GABRB1: variants seen among roughly 807,000 people sequenced by gnomAD.
The protein encoded by GABRB1 is gamma-aminobutyric acid type A receptor subunit beta1.
In GABRB1, 17 loss-of-function variants were observed where a neutral mutation model predicts 51.6. That is an observed-to-expected ratio of 0.33 (90% confidence interval 0.23 to 0.49). The LOEUF is 0.49. Among genes scored for constraint, GABRB1 ranks in the 20% least tolerant of loss-of-function variants. The pLI is 0.99. For synonymous variants in GABRB1, 247 were observed against 218.9 expected, an observed-to-expected ratio of 1.13 and a Z score of -1.14; for missense variants, 410 against 600.6, an observed-to-expected ratio of 0.68 and a Z score of 3.32.
intron 3 of GABRB1, among the ~76,000 whole-genome samples, chr4:47,039,394 T>C (rs1045604310): frequency 6.8e-6 from 1 of 147,754 alleles, no homozygotes; most frequent in African/African-American, 2.5e-5. Context: ...CTAGATATGG[T>C]CTCTGTTCTT....
intron 3 of GABRB1, among the ~76,000 whole-genome samples, chr4:47,041,989 A>G (rs886373189): frequency 3.3e-5 from 5 of 152,130 alleles, no homozygotes; most frequent in Admixed American, 6.6e-5. Flanking sequence ...GGAAATCAAG[A>G]CTCATAAAAG....
intron 5 of GABRB1, among the ~76,000 whole-genome samples, chr4:47,346,715 C>T (rs1726107000): frequency 6.6e-6 from 1 of 152,180 alleles, no homozygotes; most frequent in Admixed American, 6.5e-5. Flanking sequence ...CTGTGCTGGC[C>T]CGTGCCAATG....
chr4:47,231,445 C>T (rs372667471), intron 4 of GABRB1, among the ~76,000 whole-genome samples: 1 of 152,070 alleles, frequency 6.6e-6, no homozygotes, highest in Non-Finnish European at 1.5e-5. Flanking sequence ...ATCCATGGCT[C>T]AATCACTAAA....
At chr4:47,128,500 A>C (rs766989647) in intron 3 of GABRB1, among the ~76,000 whole-genome samples, 64 of 152,006 alleles carry the variant, frequency 4.2e-4, no homozygotes, top group Non-Finnish European at 7.7e-4. Flanking sequence ...ATATTACTTC[A>C]TGTTAAAAAC....
intron 5 of GABRB1, among the ~76,000 whole-genome samples, chr4:47,341,901 T>C (rs1417511540): frequency 6.6e-6 from 1 of 152,142 alleles, no homozygotes; most frequent in African/African-American, 2.4e-5. Flanking sequence ...CTGGCAAAAA[T>C]CCTTTTAGGG....
At chr4:47,133,503 T>A (rs1372120176) in intron 3 of GABRB1, among the ~76,000 whole-genome samples, 1 of 152,178 alleles carries the variant, frequency 6.6e-6, no homozygotes. Flanking sequence ...CCAGTCAGCT[T>A]ATTTATTATT....
At chr4:47,053,488 T>A (rs577137316) in intron 3 of GABRB1, among the ~76,000 whole-genome samples, 1 of 152,324 alleles carries the variant, frequency 6.6e-6, no homozygotes, top group East Asian at 1.9e-4. Context: ...GAATACTCTG[T>A]CTTCATTAGC....
intron 5 of GABRB1, among the ~76,000 whole-genome samples, chr4:47,388,929 G>A (rs1016084991): frequency 2.6e-5 from 4 of 152,132 alleles, no homozygotes; most frequent in African/African-American, 9.7e-5. Context: ...AGGATGTCAT[G>A]GTGGATACTC....
intron 4 of GABRB1, among the ~76,000 whole-genome samples, chr4:47,270,500 T>A (rs1422325578): frequency 3.3e-5 from 5 of 152,216 alleles, no homozygotes; most frequent in Admixed American, 6.5e-5. Context: ...GAATTGCCTG[T>A]TGCTTTCTGT....
intron 5 of GABRB1, among the ~76,000 whole-genome samples, chr4:47,371,980 G>A (rs1164164012): frequency 6.6e-6 from 1 of 152,130 alleles, no homozygotes; most frequent in Non-Finnish European, 1.5e-5. Context: ...CGTTGCAATT[G>A]CTTTTGGTGT....
intron 4 of GABRB1, among the ~76,000 whole-genome samples, chr4:47,177,882 G>C (rs140770678): frequency 0.021 from 3,108 of 147,858 alleles, 53 homozygotes; most frequent in Non-Finnish European, 0.035. Context: ...CCATCACTAG[G>C]AATGTTTGTT....
At chr4:47,227,993 A>C (rs1369025026) in intron 4 of GABRB1, among the ~76,000 whole-genome samples, 1 of 152,150 alleles carries the variant, frequency 6.6e-6, no homozygotes, top group Non-Finnish European at 1.5e-5. Flanking sequence ...TTATCTCTTT[A>C]AAGGCCCTAG....
At chr4:47,144,386 T>C (rs1403421827) in intron 3 of GABRB1, among the ~76,000 whole-genome samples, 2 of 151,902 alleles carry the variant, frequency 1.3e-5, no homozygotes, top group East Asian at 3.9e-4. Context: ...TGGTCAAATA[T>C]GTACAAAAAA....
intron 5 of GABRB1, among the ~76,000 whole-genome samples, chr4:47,352,090 A>G (rs1407578209): frequency 6.6e-6 from 1 of 152,046 alleles, no homozygotes; most frequent in Non-Finnish European, 1.5e-5. Flanking sequence ...TGACTTTTTA[A>G]TGATTGCCAT....
In GABRB1 at chr4:46,997,042, G is replaced by A. The variant is rs79901819; in HGVS notation, c.-20+3116G>A. ...ATGTTAATGTATTTCTCTGTCCCTCGTATTTTGCATAGGTGGGAAGAATTG... is the reference window on the plus strand; with the variant it reads ...ATGTTAATGTATTTCTCTGTCCCTCATATTTTGCATAGGTGGGAAGAATTG... On this transcript the variant is annotated intron_variant, in intron 1 of 3. Coordinates refer to the GABRB1 transcript ENST00000513567. Among the ~76,000 whole-genome samples the A allele has an allele frequency of 3.6e-4, 55 of 152,114 alleles. No homozygotes were observed. In the East Asian group the frequency reaches 7.9e-3, roughly 22 times the overall value.
chr4:47,347,142 T>C (rs55825318), intron 5 of GABRB1, among the ~76,000 whole-genome samples: 56,990 of 151,824 alleles, frequency 0.38, 10,827 homozygotes, highest in South Asian at 0.47. Flanking sequence ...ATTAGCCAGG[T>C]GTGGTGGAGC....
chr4:47,089,606 T>C (rs537407285), intron 3 of GABRB1, among the ~76,000 whole-genome samples: 4 of 152,308 alleles, frequency 2.6e-5, no homozygotes, highest in African/African-American at 9.6e-5. Flanking sequence ...AAGCACATCA[T>C]ATTTTCCAAA....
intron 4 of GABRB1, among the ~76,000 whole-genome samples, chr4:47,207,320 G>T (rs1334560014): frequency 6.6e-6 from 1 of 151,954 alleles, no homozygotes; most frequent in Non-Finnish European, 1.5e-5. Context: ...CTACTAGTAT[G>T]TGAACTCTGC....
intron 4 of GABRB1, among the ~76,000 whole-genome samples, chr4:47,271,583 C>A (rs1722875358): frequency 6.6e-6 from 1 of 152,172 alleles, no homozygotes; most frequent in Non-Finnish European, 1.5e-5. Context: ...ATGCTATAAA[C>A]CCCAGAAATC....
Sources: gnomAD v4.1 joint callset for allele counts (sites outside exome capture counted in the v4.1 genomes callset) on GRCh38, gnomAD v4.1.1 for gene constraint, MANE v1.5 for transcripts, NCBI Gene and HGNC (gene_info 2026-07-23, HGNC 2026-07-21) for gene names.